Variants in FAT3 observed in about 807,000 individuals in gnomAD.
FAT3 encodes protocadherin Fat 3.
In FAT3, 95 loss-of-function variants were observed where a neutral mutation model predicts 310.2. The ratio of observed to expected loss-of-function variants is 0.31; its 90% confidence interval spans 0.26 to 0.36. The LOEUF is 0.36. FAT3 is among the 10% of genes least tolerant of loss of function. The probability of loss-of-function intolerance (pLI) is 1.00; values close to 1 mark genes in which losing one functional copy is unlikely to be tolerated. For synonymous variants in FAT3, 2,314 were observed against 2,192.9 expected, an observed-to-expected ratio of 1.06 and a Z score of -1.54; for missense variants, 5,408 against 5,715.6, an observed-to-expected ratio of 0.95 and a Z score of 1.74.
intron 3 of FAT3, among the ~76,000 whole-genome samples, chr11:92,583,698 A>G (rs1024588247): frequency 1.3e-5 from 2 of 152,000 alleles, no homozygotes; most frequent in African/African-American, 2.4e-5. Flanking sequence ...CAACCGCAGG[A>G]CACACCCCCA....
intron 19 of FAT3, among the ~76,000 whole-genome samples, chr11:92,854,502 C>T (rs1354811081): frequency 1.3e-5 from 2 of 152,346 alleles, no homozygotes; most frequent in East Asian, 3.9e-4. Flanking sequence ...CCATTCCAGA[C>T]AGGCTATCGC....
Position 92,353,899 on chromosome 11 carries a change from A to C in FAT3, c.1787A>C (p.His596Pro), listed in dbSNP as rs777574389. The C allele has an allele frequency of 2.5e-6, 4 of 1,612,420 alleles. No homozygotes were observed. In the African/African-American group the frequency reaches 4.0e-5, roughly 16 times the overall value. ...VISYDFPVGG[H>P]ITAVSAIDID... ...TCATATGACTTTCCAGTTGGTGGTC[A>C]CATCACAGCAGTCTCAGCGATCGAT... is the stretch of plus-strand genomic sequence containing the variant. The change falls in exon 2 of 28, where the codon CAC becomes CCC. Residue 596 changes from histidine (H) to proline (P), a missense_variant. This residue lies in a region of FAT3 where 4,588 missense variants were observed against 4,809.8 expected (regional missense o/e 0.95). Coordinates refer to ENST00000525166, the MANE Select transcript of FAT3 (RefSeq NM_001367949.2).
chr11:92,589,441 CAT>C (rs905720601), intron 3 of FAT3, among the ~76,000 whole-genome samples: 5 of 151,990 alleles, frequency 3.3e-5, no homozygotes, highest in African/African-American at 9.7e-5. Flanking sequence ...AAAGCCACTC[CAT>C]ATATATGTGT....
At chr11:92,818,072 G>T (rs2097335197) in intron 13 of FAT3, among the ~76,000 whole-genome samples, 1 of 152,148 alleles carries the variant, frequency 6.6e-6, no homozygotes, top group Non-Finnish European at 1.5e-5. Context: ...AAAAATGCTT[G>T]TCTATACCTG....
At position 92,881,762 on chromosome 11, in the gene FAT3, A is replaced by C. The variant is rs1949675038; in HGVS notation, c.12281+878A>C. Reference sequence around the variant, plus strand: ...TGTTCTCAAATAATACTAAGCTAAGAAAGAATAAGACTGAAACACTTGCCT... The same window carrying C: ...TGTTCTCAAATAATACTAAGCTAAGCAAGAATAAGACTGAAACACTTGCCT... On this transcript the variant is annotated intron_variant, in intron 23 of 27. Coordinates refer to ENST00000525166, the MANE Select transcript of FAT3 (RefSeq NM_001367949.2). 2.0e-5 allele frequency among the ~76,000 whole-genome samples: 3 copies of C among 152,226 alleles called. No homozygotes were observed. The South Asian group carries it at 6.2e-4, about 32-fold the overall frequency.
In FAT3 at chr11:92,735,557, C is replaced by CACAGATAG. The variant is rs1945317037; in HGVS notation, c.3670-26298_3670-26297insCAGATAGA. 4.7e-5 allele frequency among the ~76,000 whole-genome samples: 7 copies of CACAGATAG among 148,852 alleles called. No homozygotes were observed. In the South Asian group the frequency reaches 1.5e-3, roughly 32 times the overall value. ...ATGACTAGAAGGATGGATGGATGAG[C>CACAGATAG]ATAGATAGATAGATAGATAGATAGA... On this transcript the variant is annotated intron_variant, in intron 4 of 27. Transcript: ENST00000525166.
intron 2 of FAT3, among the ~76,000 whole-genome samples, chr11:92,445,935 G>C (rs1306752803): frequency 6.6e-6 from 1 of 152,140 alleles, no homozygotes; most frequent in African/African-American, 2.4e-5. Context: ...AAAACCTGCT[G>C]TTAGAGCAAA....
In FAT3 at chr11:92,895,447, T is replaced by C. The variant is rs1313480206; in HGVS notation, c.*4334T>C. Reference sequence around the variant, plus strand: ...TGATATTTCTTTCCTTATGTAATAATGAAAAGCAATAATTACAAGTAGGTA... The same window carrying C: ...TGATATTTCTTTCCTTATGTAATAACGAAAAGCAATAATTACAAGTAGGTA... On this transcript the variant is annotated 3_prime_UTR_variant, in exon 28 of 28. Coordinates refer to ENST00000525166, the MANE Select transcript of FAT3 (RefSeq NM_001367949.2). The C allele has an allele frequency of 6.6e-6, 1 of 152,206 alleles. No individual in the cohort carries two copies. Among genetic ancestry groups the C allele is most frequent in the East Asian group, 1.9e-4 (1 of 5,198 alleles). 9.4% of individuals were successfully genotyped at this position (152,206 alleles called of 1,614,324 possible). A position where few individuals can be genotyped will look rare whatever the true frequency, so the allele number is the denominator to read the frequency against.
chr11:92,309,302 C>A (rs1418157854), intron 1 of FAT3, among the ~76,000 whole-genome samples: 3 of 151,404 alleles, frequency 2.0e-5, no homozygotes, highest in African/African-American at 7.3e-5. Context: ...AGCCCTCCCC[C>A]TCACTTCTCC....
At chr11:92,396,798 C>T (rs1275556382) in intron 2 of FAT3, among the ~76,000 whole-genome samples, 4 of 152,134 alleles carry the variant, frequency 2.6e-5, no homozygotes, top group East Asian at 1.9e-4. Context: ...CCTCCACCCT[C>T]GGGGTTGAAG....
At chr11:92,683,551 C>G (rs1180929181) in intron 3 of FAT3, among the ~76,000 whole-genome samples, 1 of 152,218 alleles carries the variant, frequency 6.6e-6, no homozygotes, top group Non-Finnish European at 1.5e-5. Context: ...CTTCACCCCT[C>G]TGTCCCCCAT....
intron 1 of FAT3, among the ~76,000 whole-genome samples, chr11:92,302,112 G>C (rs1465579504): frequency 2.6e-5 from 4 of 152,006 alleles, no homozygotes; most frequent in African/African-American, 9.7e-5. Flanking sequence ...TCATGGTTAT[G>C]GTATATGACC....
At position 92,726,454 on chromosome 11, in the gene FAT3, C is replaced by T. The variant is rs1028308375; in HGVS notation, c.3669+29009C>T. ...ATGGGAACTGGTGAAATTGTGGTTA[C>T]GATGTTTTAGAAATACAAATTTTAA... is the stretch of plus-strand genomic sequence containing the variant. On this transcript the variant is annotated intron_variant, in intron 4 of 27. Transcript: ENST00000525166. Among the ~76,000 whole-genome samples, 10 of 152,122 alleles carry T rather than the reference C, an allele frequency of 6.6e-5. 1 individual carries two copies. The highest frequency in any genetic ancestry group is 4.2e-4 in the South Asian group (2 of 4,818).
At chr11:92,344,512 A>G (rs777041442) in intron 1 of FAT3, among the ~76,000 whole-genome samples, 1 of 152,210 alleles carries the variant, frequency 6.6e-6, no homozygotes, top group Non-Finnish European at 1.5e-5. Flanking sequence ...GATTCTGGCA[A>G]TTTTAATATG....
At chr11:92,402,706 T>G (rs567285284) in intron 2 of FAT3, among the ~76,000 whole-genome samples, 1 of 149,714 alleles carries the variant, frequency 6.7e-6, no homozygotes, top group African/African-American at 2.5e-5. Flanking sequence ...CGCTCCAGCA[T>G]AGGTGACAGA....
Position 92,352,541 on chromosome 11 carries a change from A to C in FAT3, c.429A>C (p.Lys143Asn), listed in dbSNP as rs779533847. 1 of 1,613,722 alleles carries C rather than the reference A, an allele frequency of 6.2e-7. No individual in the cohort carries two copies. Among genetic ancestry groups the C allele is most frequent in the Non-Finnish European group, 8.5e-7 (1 of 1,179,826 alleles). The change falls in exon 2 of 28, where the codon AAA becomes AAC. Residue 143 changes from lysine to asparagine, a missense_variant. Around this residue, in one of 5 missense-constraint regions of FAT3, gnomAD observed 152 missense variants for 188.3 expected, o/e 0.81. Coordinates refer to ENST00000525166, the MANE Select transcript of FAT3 (RefSeq NM_001367949.2). ...VRGEDLEAWT[K>N]VNIQVLDMND... is the part of the protein sequence containing the mutation. The stretch of plus-strand genomic sequence containing the variant: ...GAGAGGATTTGGAAGCATGGACCAA[A>C]GTGAATATACAGGTTTTAGATATGA...
At chr11:92,761,824 C>T (rs2136083019) in intron 4 of FAT3, 32 bp from the exon 5 acceptor site, 1 of 1,581,160 alleles carries the variant, frequency 6.3e-7, no homozygotes. Context: ...ATAATTTTCT[C>T]CTTTCTGATC....
intron 1 of FAT3, among the ~76,000 whole-genome samples, chr11:92,313,120 A>G (rs1241206115): frequency 6.6e-6 from 1 of 152,194 alleles, no homozygotes; most frequent in Admixed American, 6.5e-5. Context: ...ATTTGTTCCA[A>G]AGCAATTGAT....
chr11:92,291,080 TACACAC>T (rs141883138), intron 1 of FAT3, among the ~76,000 whole-genome samples: 16 of 142,888 alleles, frequency 1.1e-4, no homozygotes, highest in South Asian at 6.9e-4. Context: ...CTTTTTATTC[TACACAC>T]ACACACACAC....
Sources: gnomAD v4.1 joint callset for allele counts (sites outside exome capture counted in the v4.1 genomes callset) on GRCh38, gnomAD v4.1.1 for gene constraint, gnomAD v4.1.1 regional missense constraint, MANE v1.5 for transcripts, NCBI Gene and HGNC (gene_info 2026-07-23, HGNC 2026-07-21) for gene names.